Variants in HEMK2 observed in about 807,000 individuals in gnomAD.
HEMK2 encodes the protein HemK methyltransferase 2, ETF1 glutamine and histone H4 lysine.
chr21:28,597,903 T>A, the HEMK2 span, among the ~76,000 whole-genome samples: 2 of 152,020 alleles, frequency 1.3e-5, no homozygotes, highest in Non-Finnish European at 2.9e-5. Flanking sequence ...TAATTTGATG[T>A]TAAGGATGGA....
chr21:28,865,056 A>G, the HEMK2 span, among the ~76,000 whole-genome samples: 2 of 151,920 alleles, frequency 1.3e-5, no homozygotes, highest in Non-Finnish European at 1.5e-5. Flanking sequence ...GGCCACTACC[A>G]TCTCTTCATT....
At chr21:28,854,838 C>T in the HEMK2 span, among the ~76,000 whole-genome samples, 3 of 152,196 alleles carry the variant, frequency 2.0e-5, no homozygotes, top group Non-Finnish European at 4.4e-5. Context: ...ATGTTAATCT[C>T]CTTTGGCAAC....
At chr21:28,670,405 T>C in the HEMK2 span, among the ~76,000 whole-genome samples, 893 of 152,332 alleles carry the variant, frequency 5.9e-3, 7 homozygotes, top group African/African-American at 0.02. Context: ...ATGTGTGGTA[T>C]CTTTTACATC....
At chr21:28,693,073 G>A in the HEMK2 span, among the ~76,000 whole-genome samples, 1 of 152,270 alleles carries the variant, frequency 6.6e-6, no homozygotes, top group East Asian at 1.9e-4. Flanking sequence ...GAATTAGATA[G>A]TGGTGATGAT....
chr21:28,864,266 T>C, the HEMK2 span, among the ~76,000 whole-genome samples: 1 of 152,144 alleles, frequency 6.6e-6, no homozygotes. Flanking sequence ...TGCATAAATC[T>C]AGAGATGAGA....
chr21:28,754,031 C>T, the HEMK2 span, among the ~76,000 whole-genome samples: 2 of 152,302 alleles, frequency 1.3e-5, no homozygotes, highest in Admixed American at 6.5e-5. Context: ...TCATTCAGTA[C>T]GTGTTTGGAG....
chr21:28,831,626 A>AAG, the HEMK2 span, among the ~76,000 whole-genome samples: 1 of 73,276 alleles, frequency 1.4e-5, no homozygotes, highest in African/African-American at 8.9e-5. Flanking sequence ...AAAGAAGGAA[A>AAG]GAAGGAAGGA....
At chr21:28,792,285 G>A in the HEMK2 span, among the ~76,000 whole-genome samples, 1 of 152,128 alleles carries the variant, frequency 6.6e-6, no homozygotes, top group African/African-American at 2.4e-5. Flanking sequence ...AGCCTGTTCT[G>A]CCTATGGAGT....
the HEMK2 span, among the ~76,000 whole-genome samples, chr21:28,632,280 T>C: frequency 7.9e-5 from 12 of 152,358 alleles, no homozygotes; most frequent in African/African-American, 2.9e-4. Context: ...CTTATTAAAA[T>C]GCAGATTGTA....
the HEMK2 span, among the ~76,000 whole-genome samples, chr21:28,579,704 A>C: frequency 6.6e-6 from 1 of 152,224 alleles, no homozygotes; most frequent in South Asian, 2.1e-4. Flanking sequence ...TTACCTATTC[A>C]AAATTGTGCA....
the HEMK2 span, among the ~76,000 whole-genome samples, chr21:28,791,536 T>A: frequency 1.3e-5 from 2 of 152,170 alleles, no homozygotes; most frequent in Admixed American, 1.3e-4. Context: ...CCAACAAGAT[T>A]CCTCTTATCA....
chr21:28,822,816 T>A, the HEMK2 span, among the ~76,000 whole-genome samples: 1 of 152,262 alleles, frequency 6.6e-6, no homozygotes, highest in South Asian at 2.1e-4. Context: ...AGATGGACCT[T>A]CTGAAATGTA....
At chr21:28,589,724 T>C in the HEMK2 span, among the ~76,000 whole-genome samples, 1 of 152,166 alleles carries the variant, frequency 6.6e-6, no homozygotes, top group South Asian at 2.1e-4. Flanking sequence ...TGCTTTGATA[T>C]AAAAATGGAT....
the HEMK2 span, among the ~76,000 whole-genome samples, chr21:28,841,426 A>AT: frequency 7.7e-3 from 365 of 47,150 alleles, 36 homozygotes; most frequent in Non-Finnish European, 0.01. Flanking sequence ...TATATATATA[A>AT]AATATATATA....
the HEMK2 span, among the ~76,000 whole-genome samples, chr21:28,658,672 C>G: frequency 6.6e-6 from 1 of 152,096 alleles, no homozygotes; most frequent in Non-Finnish European, 1.5e-5. Flanking sequence ...CTCATATGAG[C>G]TATTTGCCTA....
At chr21:28,694,644 T>C in the HEMK2 span, among the ~76,000 whole-genome samples, 1 of 152,178 alleles carries the variant, frequency 6.6e-6, no homozygotes, top group African/African-American at 2.4e-5. Flanking sequence ...TTTTGTATTT[T>C]CTTCTCTCTG....
the HEMK2 span, among the ~76,000 whole-genome samples, chr21:28,715,686 T>G: frequency 1.3e-5 from 2 of 152,216 alleles, no homozygotes; most frequent in Non-Finnish European, 2.9e-5. Context: ...GGCAATTGCT[T>G]TTGAAAACTT....
At chr21:28,835,686 A>G in the HEMK2 span, among the ~76,000 whole-genome samples, 1 of 152,222 alleles carries the variant, frequency 6.6e-6, no homozygotes, top group Non-Finnish European at 1.5e-5. Flanking sequence ...TTATTAAGCT[A>G]ATAAGGGAGG....
chr21:28,658,238 TA>T, the HEMK2 span, among the ~76,000 whole-genome samples: 19 of 152,032 alleles, frequency 1.2e-4, 1 homozygote, highest in Admixed American at 1.2e-3. Context: ...ATTTTGTAAC[TA>T]GGATACTAAT....
Sources: gnomAD v4.1 joint callset for allele counts (sites outside exome capture counted in the v4.1 genomes callset) on GRCh38, gnomAD v4.1.1 for gene constraint, MANE v1.5 for transcripts, NCBI Gene and HGNC (gene_info 2026-07-23, HGNC 2026-07-21) for gene names.